ERC1: variants seen among roughly 807,000 people sequenced by gnomAD.
ERC1 encodes ELKS/RAB6-interacting/CAST family member 1.
In ERC1, 56 loss-of-function variants were observed where a neutral mutation model predicts 132.0. The ratio of observed to expected loss-of-function variants is 0.42; its 90% CI spans 0.34 to 0.53. The LOEUF is 0.53. Ranked by LOEUF, ERC1 falls within the 20% of genes least tolerant of loss-of-function variation. The pLI, the probability that ERC1 is intolerant of heterozygous loss-of-function variation, is 0.03. For synonymous variants in ERC1, 478 were observed against 476.1 expected (o/e 1.00, Z -0.05); for missense variants, 1,202 against 1,349.9 (o/e 0.89, Z 1.72).
At chr12:1,221,295 A>G (rs1284063561) in intron 12 of ERC1, among the ~76,000 whole-genome samples, 1 of 152,238 alleles carries the variant, frequency 6.6e-6, no homozygotes, top group African/African-American at 2.4e-5. Flanking sequence ...GTAAACATTG[A>G]TTAATTGCCA....
intron 18 of ERC1, among the ~76,000 whole-genome samples, chr12:1,451,918 C>G (rs538561542): frequency 2.3e-4 from 35 of 152,192 alleles, no homozygotes; most frequent in African/African-American, 7.9e-4. Context: ...AACTGATATC[C>G]TTTTAAGAGA....
At chr12:1,062,141 G>A (rs145668443) in intron 2 of ERC1, among the ~76,000 whole-genome samples, 6,048 of 151,554 alleles carry the variant, frequency 0.04, 207 homozygotes, top group African/African-American at 0.088. Context: ...CCACCAGCAC[G>A]CCTGGCTAAT....
At chr12:1,290,794 A>G (rs930305510) in intron 15 of ERC1, among the ~76,000 whole-genome samples, 1 of 151,994 alleles carries the variant, frequency 6.6e-6, no homozygotes, top group Non-Finnish European at 1.5e-5. Context: ...GTGAGCAGTT[A>G]TCTTTATTTT....
Position 1,340,299 on chromosome 12 carries a change from C to T in ERC1, c.2781-31534C>T, listed in dbSNP as rs191074101. 8.9e-3 allele frequency among the ~76,000 whole-genome samples: 1,349 copies of T among 152,172 alleles called. 19 individuals carry two copies. Among genetic ancestry groups the T allele is most frequent in the African/African-American group, 0.031 (1,284 of 41,506 alleles). On this transcript the variant is annotated intron_variant, in intron 15 of 18. Coordinates refer to ENST00000360905, the MANE Select transcript of ERC1 (RefSeq NM_178040.4). ...GTTCAGGTCTTGCAGAGGTTAGGTC[C>T]AGTTGTTCCCCTGGGGCTAAAGTCT...
intron 18 of ERC1, among the ~76,000 whole-genome samples, chr12:1,465,798 G>A (rs187819693): frequency 2.1e-3 from 317 of 152,322 alleles, no homozygotes; most frequent in African/African-American, 7.3e-3. Context: ...CACTAGTGAG[G>A]CCTCCTTGCT....
At chr12:1,408,878 G>A (rs1252212126) in intron 17 of ERC1, among the ~76,000 whole-genome samples, 1 of 152,058 alleles carries the variant, frequency 6.6e-6, no homozygotes, top group Non-Finnish European at 1.5e-5. Context: ...CCCAAATCTT[G>A]AAAATGATGG....
At chr12:1,052,522 AG>A (rs764766316) in intron 2 of ERC1, among the ~76,000 whole-genome samples, 5 of 152,184 alleles carry the variant, frequency 3.3e-5, no homozygotes, top group Non-Finnish European at 7.4e-5. Flanking sequence ...AGTGCTCTTT[AG>A]GTTAAGCTAT....
intron 12 of ERC1, among the ~76,000 whole-genome samples, chr12:1,215,847 T>C (rs1238208052): frequency 2.0e-5 from 3 of 152,204 alleles, no homozygotes; most frequent in Non-Finnish European, 4.4e-5. Context: ...GTTAAAGACC[T>C]TTAGTGCTAA....
intron 14 of ERC1, 74 bp from the exon 15 acceptor site, chr12:1,289,778 T>C (rs2079308134): frequency 1.7e-6 from 2 of 1,196,648 alleles, no homozygotes; most frequent in African/African-American, 3.0e-5. Flanking sequence ...GACCCAGGAG[T>C]TGCGTGTTAC....
intron 2 of ERC1, among the ~76,000 whole-genome samples, 163 bp downstream of exon 2, chr12:1,028,735 T>G (rs1967362305): frequency 6.6e-6 from 1 of 152,186 alleles, no homozygotes; most frequent in Non-Finnish European, 1.5e-5. Flanking sequence ...CCTTTCCAAA[T>G]TTGGTCCTGT....
intron 1 of ERC1, among the ~76,000 whole-genome samples, chr12:1,009,381 A>C (rs1461342785): frequency 6.6e-6 from 1 of 152,040 alleles, no homozygotes; most frequent in South Asian, 2.1e-4. Flanking sequence ...TCACCGTGTT[A>C]GCCAGGATGG....
chr12:1,463,383 G>A (rs1319880980), intron 18 of ERC1, among the ~76,000 whole-genome samples: 1 of 152,154 alleles, frequency 6.6e-6, no homozygotes, highest in Non-Finnish European at 1.5e-5. Context: ...GGGGGACAGG[G>A]CCTGAGGGGC....
At chr12:1,400,558 C>T (rs2090934085) in intron 16 of ERC1, among the ~76,000 whole-genome samples, 1 of 152,076 alleles carries the variant, frequency 6.6e-6, no homozygotes, top group Non-Finnish European at 1.5e-5. Flanking sequence ...TTTAGCTCTT[C>T]CATTTAGCTC....
At chr12:1,026,188 C>T (rs1186883089) in intron 1 of ERC1, among the ~76,000 whole-genome samples, 2 of 152,218 alleles carry the variant, frequency 1.3e-5, no homozygotes, top group African/African-American at 4.8e-5. Context: ...TTATGTCTTA[C>T]ATGGCGACAG....
At chr12:1,112,569 CAAAG>C (rs1279556214) in intron 6 of ERC1, among the ~76,000 whole-genome samples, 1 of 152,196 alleles carries the variant, frequency 6.6e-6, no homozygotes, top group Non-Finnish European at 1.5e-5. Flanking sequence ...GATGGTATTT[CAAAG>C]CCTGTTTCTT....
At chr12:1,449,624 T>C (rs2093379928) in intron 18 of ERC1, among the ~76,000 whole-genome samples, 1 of 152,148 alleles carries the variant, frequency 6.6e-6, no homozygotes, top group Non-Finnish European at 1.5e-5. Context: ...ACCTCTTTAA[T>C]AATTACCCAG....
At chr12:1,485,197 A>ATT (rs1228695719) in intron 18 of ERC1, among the ~76,000 whole-genome samples, 9 of 97,542 alleles carry the variant, frequency 9.2e-5, no homozygotes, top group African/African-American at 2.7e-4. Flanking sequence ...TCAAGTTTAT[A>ATT]TTTCTTTTTT....
chr12:1,403,054 A>G (rs753929276), intron 16 of ERC1, among the ~76,000 whole-genome samples: 14 of 152,238 alleles, frequency 9.2e-5, no homozygotes, highest in Non-Finnish European at 1.5e-4. Context: ...AAGTTATTTT[A>G]ACATTTTGGA....
chr12:1,205,004 G>C (rs1436420374), intron 12 of ERC1, among the ~76,000 whole-genome samples: 1 of 152,146 alleles, frequency 6.6e-6, no homozygotes, highest in Non-Finnish European at 1.5e-5. Context: ...CTGCTGGGTG[G>C]TAGAACTAGT....
Sources: gnomAD v4.1 joint callset for allele counts (sites outside exome capture counted in the v4.1 genomes callset) on GRCh38, gnomAD v4.1.1 for gene constraint, MANE v1.5 for transcripts, NCBI Gene and HGNC (gene_info 2026-07-23, HGNC 2026-07-21) for gene names.